PLIN1: variants seen among roughly 807,000 people sequenced by gnomAD.
PLIN1 encodes perilipin 1.
PLIN1 carries 37 observed loss-of-function variants against 45.8 expected under a neutral mutation model. The observed-to-expected ratio is 0.81, with a 90% CI of 0.62 to 1.06. The LOEUF is 1.06. PLIN1 is among the 50% of genes least tolerant of loss of function. The probability of loss-of-function intolerance (pLI) is 0.00; values close to 1 mark genes in which losing one functional copy is unlikely to be tolerated. For missense variants in PLIN1, 776 were observed against 716.5 expected (o/e 1.08, Z -0.95); for synonymous variants, 340 against 309.2 (o/e 1.10, Z -1.05).
Position 89,667,065 on chromosome 15 carries a change from C to T in PLIN1, c.1080G>A (p.Met360Ile). The T allele has an allele frequency of 6.2e-7, 1 of 1,614,138 alleles. No homozygotes were observed. The highest frequency in any genetic ancestry group is 8.5e-7 in the Non-Finnish European group (1 of 1,180,014). Residue 360 changes from methionine to isoleucine, a missense_variant, in exon 8 of 9, where the codon ATG becomes ATA. By Grantham distance (10) the Met-to-Ile change is conservative (BLOSUM62 1). Coordinates refer to ENST00000300055, the MANE Select transcript of PLIN1 (RefSeq NM_002666.5). ...GTGTGAGGTGCAGCACCCTCCCTGC[C>T]ATGCCCAGCACAGCTGCAGGTGCCC... ...VTWAPAAVLG[M>I]AGRVLHLTPA...
intron 2 of PLIN1, among the ~76,000 whole-genome samples, chr15:89,675,333 G>A (rs1964499287): frequency 6.8e-6 from 1 of 146,776 alleles, no homozygotes; most frequent in African/African-American, 2.5e-5. Context: ...AGGGCTAAGT[G>A]TAGAAGCTCA....
chr15:89,668,137 T>C (rs1964383308), intron 6 of PLIN1, among the ~76,000 whole-genome samples: 1 of 152,210 alleles, frequency 6.6e-6, no homozygotes, highest in African/African-American at 2.4e-5. Context: ...CATGCCTTAG[T>C]TTTGCCTATT....
At chr15:89,675,576 C>T (rs1219064687) in intron 2 of PLIN1, among the ~76,000 whole-genome samples, 1 of 151,978 alleles carries the variant, frequency 6.6e-6, no homozygotes, top group African/African-American at 2.4e-5. Context: ...CACTGCACTC[C>T]AGCCGGGGTG....
Position 89,669,685 on chromosome 15 carries a change from T to A in PLIN1, c.599-13A>T. On this transcript the variant is annotated splice_polypyrimidine_tract_variant and intron_variant, in intron 5 of 8. Coordinates refer to ENST00000300055, the MANE Select transcript of PLIN1 (RefSeq NM_002666.5). ...CCAGGAGCAGGGGCTGGGTAGGGAT[T>A]TGGGGGGAAAGAAGAGAAAACAGGT... 6.2e-7 allele frequency: 1 copy of A among 1,612,746 alleles called. No homozygotes were observed.
At position 89,667,725 on chromosome 15, in the gene PLIN1, C is replaced by G. The variant is rs779140360; in HGVS notation, c.840G>C (p.Arg280=). 2.5e-6 allele frequency: 4 copies of G among 1,574,214 alleles called. No individual in the cohort carries two copies. In the South Asian group the frequency reaches 4.6e-5, roughly 18 times the overall value. Residue 280 remains arginine (R), a synonymous_variant, in exon 7 of 9, where the codon CGG becomes CGC. Transcript: ENST00000300055. ...QAVSRRRSEV[R]VPWLHSLAAA... ...CTGCGAGGCTGTGCAGCCAGGGTACCCGCACTTCGCTCCTCCGCCGGGACA... is the reference window on the plus strand; with the variant it reads ...CTGCGAGGCTGTGCAGCCAGGGTACGCGCACTTCGCTCCTCCGCCGGGACA...
rs183358930 is a variant in PLIN1 at position 89,668,342 on chromosome 15, G to A, written c.772-549C>T. On this transcript the variant is annotated intron_variant, in intron 6 of 8. Transcript: ENST00000300055. ...TCTACCGTTGATGGACATTATCATC[G>A]CTTCCAGTTCTTAGCTAAGGATATT... is the stretch of plus-strand genomic sequence containing the variant. Among the ~76,000 whole-genome samples, 85 of 152,116 alleles carry A rather than the reference G, an allele frequency of 5.6e-4. 1 individual carries two copies. The highest frequency in any genetic ancestry group is 1.0e-3 in the South Asian group (5 of 4,816).
chr15:89,667,275 T>C (rs1964363407), intron 7 of PLIN1, 94 bp from the exon 8 acceptor site: 7 of 1,536,206 alleles, frequency 4.6e-6, no homozygotes, highest in Non-Finnish European at 6.2e-6. Flanking sequence ...AGCATGAGAA[T>C]ACCAAATTTA....
intron 6 of PLIN1, 80 bp downstream of exon 6, chr15:89,669,420 T>G: frequency 8.7e-7 from 1 of 1,145,962 alleles, no homozygotes; most frequent in South Asian, 1.2e-5. Context: ...GAAGGGGTGA[T>G]GGGTGGGGGA....
At position 89,665,739 on chromosome 15, in the gene PLIN1, C is replaced by T. The variant is rs1224779133; in HGVS notation, c.1413G>A (p.Glu471=). The T allele has an allele frequency of 7.1e-7, 1 of 1,417,286 alleles. No individual in the cohort carries two copies. The highest frequency in any genetic ancestry group is 3.1e-5 in the East Asian group (1 of 32,786). The allele number at this position is 1,417,286 out of a possible 1,614,324, so 87.8% of individuals were successfully genotyped here. A position where few individuals can be genotyped will look rare whatever the true frequency, so the allele number is the denominator to read the frequency against. Residue 471 remains glutamate, a synonymous_variant, in exon 9 of 9, where the codon GAG becomes GAA. Coordinates refer to ENST00000300055, the MANE Select transcript of PLIN1 (RefSeq NM_002666.5). ...SPGAPPGPGL[E]DEVATPAAPR... is the part of the protein sequence containing the mutation. Reference sequence around the variant, plus strand: ...GCGCTGCGGGCGTGGCGACTTCGTCCTCCAGGCCCGGGCCGGGGGGCGCGC... The same window carrying T: ...GCGCTGCGGGCGTGGCGACTTCGTCTTCCAGGCCCGGGCCGGGGGGCGCGC...
At chr15:89,668,956 G>C (rs191197855) in intron 6 of PLIN1, among the ~76,000 whole-genome samples, 2 of 152,290 alleles carry the variant, frequency 1.3e-5, no homozygotes, top group African/African-American at 4.8e-5. Flanking sequence ...GCCTATTTCT[G>C]CTAAGATACA....
At chr15:89,669,711 C>T (rs1197233034) in intron 5 of PLIN1, 39 bp from the exon 6 acceptor site, 2 of 1,593,988 alleles carry the variant, frequency 1.3e-6, no homozygotes. Context: ...GAAAACAGGT[C>T]AGAGAGGGGC....
chr15:89,677,895 C>G, intron 1 of PLIN1: 1 of 175,394 alleles, frequency 5.7e-6, no homozygotes, highest in Non-Finnish European at 1.2e-5. Context: ...GGATTACAGG[C>G]GCCCACCACC....
At chr15:89,667,284 T>C (rs2141526671) in intron 7 of PLIN1, 103 bp from the exon 8 acceptor site, 1 of 1,509,390 alleles carries the variant, frequency 6.6e-7, no homozygotes, top group East Asian at 2.3e-5. Flanking sequence ...ATACCAAATT[T>C]ACAAAACTTC....
intron 2 of PLIN1, among the ~76,000 whole-genome samples, chr15:89,674,017 C>T (rs778773524): frequency 2.6e-5 from 4 of 152,194 alleles, no homozygotes; most frequent in African/African-American, 4.8e-5. Flanking sequence ...TTCGTCACAC[C>T]GTGCTGTGGT....
intron 5 of PLIN1, 96 bp from the exon 6 acceptor site, chr15:89,669,768 G>T: frequency 1.9e-6 from 2 of 1,036,286 alleles, no homozygotes; most frequent in South Asian, 1.3e-5. Context: ...GGTGTTCTAG[G>T]TCCACCACAA....
intron 3 of PLIN1, among the ~76,000 whole-genome samples, chr15:89,672,620 C>G (rs1185884959): frequency 2.0e-5 from 3 of 152,210 alleles, no homozygotes; most frequent in Non-Finnish European, 4.4e-5. Context: ...CTGTGTATGC[C>G]TTGGAGACCA....
chr15:89,665,595 G>A lies in PLIN1; in HGVS notation c.1557C>T (p.Arg519=). The A allele has an allele frequency of 2.0e-6, 3 of 1,528,134 alleles. No individual in the cohort carries two copies. Among genetic ancestry groups the A allele is most frequent in the Non-Finnish European group, 2.6e-6 (3 of 1,139,542 alleles). 94.7% of individuals were successfully genotyped at this position (1,528,134 alleles called of 1,614,324 possible). ...CTGGTGCGGCGACTCAGCTCTTCTT[G>A]CGCAGCTGGCTGTAATGCGTGCGGC... is the stretch of plus-strand genomic sequence containing the variant. ...ILGRTHYSQL[R]KKS Residue 519 remains arginine, a synonymous_variant, in exon 9 of 9, where the codon CGC becomes CGT. Transcript: ENST00000300055.
At position 89,671,505 on chromosome 15, in the gene PLIN1, CG is replaced by C; in HGVS notation, c.309del (p.Ala104ProfsTer13). The C allele has an allele frequency of 1.3e-6, 2 of 1,574,142 alleles. No individual in the cohort carries two copies. The highest frequency in any genetic ancestry group is 8.6e-7 in the Non-Finnish European group (1 of 1,159,226). ...RGLDHLEEKI[P>X]ALQYPPEKIA... ...ACCTTTTCAGGGGGGTACTGGAGGG[CG>C]GGGATCTTTTCCTCCAGGTGGTCCA... is the stretch of plus-strand genomic sequence containing the variant. On this transcript the variant is annotated frameshift_variant, in exon 4 of 9. Transcript: ENST00000300055. LOFTEE classifies it high-confidence loss of function.
rs147609597 is a variant in PLIN1 at position 89,664,469 on chromosome 15, T to C, written c.*1114A>G. On this transcript the variant is annotated 3_prime_UTR_variant, in exon 9 of 9. Transcript: ENST00000300055. ...TCATTAGGGAACTAGTTAAATCAAA[T>C]AAGGCGTATCCATATTATGCAGTAG... The C allele has an allele frequency of 6.9e-3, 1,081 of 156,790 alleles. 12 individuals are homozygous for C. Among genetic ancestry groups the C allele is most frequent in the African/African-American group, 0.025 (1,041 of 41,480 alleles). The allele number at this position is 156,790 out of a possible 1,614,324, so 9.7% of individuals were successfully genotyped here. A position where few individuals can be genotyped will look rare whatever the true frequency, so the allele number is the denominator to read the frequency against.
Sources: gnomAD v4.1 joint callset for allele counts (sites outside exome capture counted in the v4.1 genomes callset) on GRCh38, gnomAD v4.1.1 for gene constraint, MANE v1.5 for transcripts, NCBI Gene and HGNC (gene_info 2026-07-23, HGNC 2026-07-21) for gene names.